Variants in LHFPL6 observed in about 807,000 individuals in gnomAD.
LHFPL6 encodes LHFPL tetraspan subfamily member 6 protein.
LHFPL6 carries 9 observed loss-of-function variants against 20.6 expected under a neutral mutation model. The observed-to-expected ratio is 0.44, with a 90% CI of 0.26 to 0.76. The LOEUF is 0.76. LHFPL6 is among the 30% of genes least tolerant of loss of function. The probability of loss-of-function intolerance (pLI) is 0.20; values close to 1 mark genes in which losing one functional copy is unlikely to be tolerated. For synonymous variants in LHFPL6, 105 were observed against 98.7 expected (o/e 1.06, Z -0.38); for missense variants, 218 against 253.5 (o/e 0.86, Z 0.95).
chr13:39,371,148 C>T (rs79573090), intron 3 of LHFPL6, among the ~76,000 whole-genome samples: 3,034 of 152,326 alleles, frequency 0.02, 51 homozygotes, highest in Non-Finnish European at 0.034. Context: ...GTTTACGGCA[C>T]TGCTCTTAAG....
intron 3 of LHFPL6, among the ~76,000 whole-genome samples, chr13:39,347,524 G>A (rs950156497): frequency 2.6e-5 from 4 of 152,158 alleles, no homozygotes; most frequent in Non-Finnish European, 5.9e-5. Context: ...GCCTCATCTA[G>A]AGAGTGTGCT....
intron 2 of LHFPL6, among the ~76,000 whole-genome samples, chr13:39,581,375 C>T (rs1175628241): frequency 1.3e-5 from 2 of 152,064 alleles, no homozygotes; most frequent in Non-Finnish European, 1.5e-5. Flanking sequence ...TTTAATGAAA[C>T]CTACTGAGCA....
intron 2 of LHFPL6, among the ~76,000 whole-genome samples, chr13:39,483,503 T>TA (rs59094220): frequency 1.3e-5 from 2 of 150,348 alleles, no homozygotes; most frequent in Non-Finnish European, 3.0e-5. Context: ...TTTTTTTTTT[T>TA]ACAAAACCAT....
intron 2 of LHFPL6, among the ~76,000 whole-genome samples, chr13:39,509,365 C>T (rs542158691): frequency 1.6e-4 from 25 of 152,020 alleles, no homozygotes; most frequent in Admixed American, 7.2e-4. Flanking sequence ...TAGCCTAACA[C>T]GAGGTCATAA....
At chr13:39,453,543 A>C (rs1872502247) in intron 2 of LHFPL6, among the ~76,000 whole-genome samples, 1 of 152,220 alleles carries the variant, frequency 6.6e-6, no homozygotes, top group African/African-American at 2.4e-5. Context: ...ATCTCATTTA[A>C]ATTTCATTAA....
intron 2 of LHFPL6, among the ~76,000 whole-genome samples, chr13:39,525,109 GAT>G (rs1870246747): frequency 6.6e-6 from 1 of 152,184 alleles, no homozygotes; most frequent in African/African-American, 2.4e-5. Flanking sequence ...GTTTGAGTTC[GAT>G]ACAAAGGAAC....
At chr13:39,577,466 C>T (rs1353283829) in intron 2 of LHFPL6, among the ~76,000 whole-genome samples, 1 of 152,210 alleles carries the variant, frequency 6.6e-6, no homozygotes, top group Admixed American at 6.5e-5. Context: ...TGTGCACACA[C>T]ATTCAAGAGC....
At chr13:39,519,483 T>C (rs1870037649) in intron 2 of LHFPL6, among the ~76,000 whole-genome samples, 2 of 152,322 alleles carry the variant, frequency 1.3e-5, no homozygotes, top group Middle Eastern at 3.4e-3. Flanking sequence ...CGCATTAGTT[T>C]GTCTCCCTCT....
chr13:39,458,985 T>C (rs1566116159), intron 2 of LHFPL6, among the ~76,000 whole-genome samples: 1 of 152,210 alleles, frequency 6.6e-6, no homozygotes, highest in Non-Finnish European at 1.5e-5. Flanking sequence ...CTTACTTGGC[T>C]CTCTTAAATG....
chr13:39,515,478 C>T (rs1440947141), intron 2 of LHFPL6, among the ~76,000 whole-genome samples: 2 of 152,218 alleles, frequency 1.3e-5, no homozygotes, highest in Admixed American at 6.5e-5. Context: ...ACACTTTATT[C>T]TTACCATTTG....
chr13:39,367,835 C>A (rs921595362), intron 3 of LHFPL6, among the ~76,000 whole-genome samples: 2 of 152,180 alleles, frequency 1.3e-5, no homozygotes, highest in Admixed American at 6.5e-5. Context: ...AAGTTAAAAT[C>A]AGTCTGAAGA....
chr13:39,506,561 TC>T, intron 2 of LHFPL6, among the ~76,000 whole-genome samples: 1 of 152,206 alleles, frequency 6.6e-6, no homozygotes, highest in East Asian at 1.9e-4. Flanking sequence ...TTATTTCATT[TC>T]ATTTTTTGCT....
chr13:39,572,028 C>G (rs1294511140), intron 2 of LHFPL6, among the ~76,000 whole-genome samples: 1 of 152,132 alleles, frequency 6.6e-6, no homozygotes, highest in Non-Finnish European at 1.5e-5. Flanking sequence ...TCAATATGTC[C>G]AAGGTTATAA....
intron 2 of LHFPL6, among the ~76,000 whole-genome samples, chr13:39,564,805 C>A (rs183883281): frequency 3.9e-5 from 6 of 152,286 alleles, no homozygotes; most frequent in Admixed American, 3.9e-4. Flanking sequence ...GAGCTATGTT[C>A]TTCTGAAAAT....
chr13:39,529,416 A>G (rs1039019987), intron 2 of LHFPL6, among the ~76,000 whole-genome samples: 1 of 152,198 alleles, frequency 6.6e-6, no homozygotes, highest in African/African-American at 2.4e-5. Flanking sequence ...CTATCTAAAT[A>G]TATTTAATGA....
At chr13:39,512,122 CAA>C (rs1184617260) in intron 2 of LHFPL6, among the ~76,000 whole-genome samples, 1 of 152,146 alleles carries the variant, frequency 6.6e-6, no homozygotes, top group Non-Finnish European at 1.5e-5. Flanking sequence ...AAGATAATGT[CAA>C]GTCTTAAACA....
At chr13:39,483,511 C>T (rs1452266019) in intron 2 of LHFPL6, among the ~76,000 whole-genome samples, 2 of 143,836 alleles carry the variant, frequency 1.4e-5, no homozygotes, top group African/African-American at 2.7e-5. Context: ...TTTACAAAAC[C>T]ATTTCCTGCT....
chr13:39,483,517 C>G (rs1193700424), intron 2 of LHFPL6, among the ~76,000 whole-genome samples: 1 of 145,292 alleles, frequency 6.9e-6, no homozygotes, highest in Non-Finnish European at 1.5e-5. Context: ...AAACCATTTC[C>G]TGCTCTTTTT....
At chr13:39,458,857 A>C (rs1872629088) in intron 2 of LHFPL6, among the ~76,000 whole-genome samples, 1 of 152,162 alleles carries the variant, frequency 6.6e-6, no homozygotes, top group African/African-American at 2.4e-5. Flanking sequence ...ATTTTGTTGT[A>C]AAATTAAAAT....
Sources: allele counts gnomAD v4.1 joint callset (sites outside exome capture counted in the v4.1 genomes callset), GRCh38; gene constraint gnomAD v4.1.1; transcripts MANE v1.5; gene names NCBI Gene and HGNC (gene_info 2026-07-23, HGNC 2026-07-21).